ZC3HAV1: variants seen among roughly 807,000 people sequenced by gnomAD.
ZC3HAV1 encodes zinc finger CCCH-type containing, antiviral 1, also known as zinc finger CCCH-type antiviral protein 1.
Under a neutral mutation model 86.6 loss-of-function variants are expected in ZC3HAV1, and 41 were observed. That is an observed-to-expected ratio of 0.47 (90% CI 0.37 to 0.61). ZC3HAV1 has a LOEUF of 0.61. Among genes scored for constraint, ZC3HAV1 ranks in the 20% least tolerant of loss-of-function variants. ZC3HAV1 has a pLI of 0.00. For missense variants in ZC3HAV1, 964 were observed against 1,141.1 expected, an observed-to-expected ratio of 0.84 and a Z score of 2.24; for synonymous variants, 421 against 432.1, an observed-to-expected ratio of 0.97 and a Z score of 0.32.
chr7:139,058,451 C>G (rs866152932), intron 9 of ZC3HAV1, among the ~76,000 whole-genome samples: 43 of 141,568 alleles, frequency 3.0e-4, no homozygotes, highest in Non-Finnish European at 4.3e-4. Flanking sequence ...CCCCCCCCCC[C>G]CCCACAAAAA....
intron 1 of ZC3HAV1, among the ~76,000 whole-genome samples, chr7:139,098,572 C>A (rs7786250): frequency 0.25 from 38,110 of 151,990 alleles, 5,042 homozygotes; most frequent in East Asian, 0.42. Context: ...GAGGCTGGGG[C>A]AGGAGGGTGG....
intron 1 of ZC3HAV1, among the ~76,000 whole-genome samples, chr7:139,100,729 C>T (rs748077538): frequency 1.4e-4 from 21 of 152,042 alleles, no homozygotes; most frequent in Middle Eastern, 3.4e-3. Flanking sequence ...GGCATTATCA[C>T]ATAAAACTTT....
intron 1 of ZC3HAV1, among the ~76,000 whole-genome samples, chr7:139,101,534 G>C (rs1433495070): frequency 8.9e-6 from 1 of 112,380 alleles, no homozygotes; most frequent in Non-Finnish European, 1.8e-5. Context: ...CATTGAGAAC[G>C]GGCCATGATG....
chr7:139,076,784 C>T (rs1277420793), intron 5 of ZC3HAV1, among the ~76,000 whole-genome samples: 8 of 151,812 alleles, frequency 5.3e-5, no homozygotes, highest in Non-Finnish European at 8.8e-5. Flanking sequence ...CCCAGCTTCT[C>T]GGGAGACTGA....
chr7:139,083,252 G>C lies in ZC3HAV1; in HGVS notation c.697+528C>G, dbSNP rs555774346. 3.4e-5 allele frequency among the ~76,000 whole-genome samples: 5 copies of C among 145,754 alleles called. No individual in the cohort carries two copies. In the South Asian group the frequency reaches 9.1e-4, roughly 27 times the overall value. On this transcript the variant is annotated intron_variant, in intron 3 of 12. Coordinates refer to ENST00000242351, the MANE Select transcript of ZC3HAV1 (RefSeq NM_020119.4). ...TATACACTTTTTTAAACCTGGGGGG[G>C]GGGGCAATAGTGCTAAGCATAAAAA...
intron 6 of ZC3HAV1, 76 bp downstream of exon 6, chr7:139,076,210 T>G: frequency 6.4e-7 from 1 of 1,574,218 alleles, no homozygotes. Context: ...TTTTTCTTTT[T>G]CCCCTGAGCC....
chr7:139,087,145 C>A (rs1452179862), intron 2 of ZC3HAV1, among the ~76,000 whole-genome samples: 1 of 152,186 alleles, frequency 6.6e-6, no homozygotes, highest in Non-Finnish European at 1.5e-5. Context: ...CCACAAAACA[C>A]CTTCTCTCAA....
At chr7:139,065,835 C>T (rs769258632) in intron 7 of ZC3HAV1, among the ~76,000 whole-genome samples, 5 of 151,886 alleles carry the variant, frequency 3.3e-5, no homozygotes, top group Admixed American at 6.6e-5. Flanking sequence ...ACTCGGGGGG[C>T]GGAGGTTGCA....
rs189167788 is a variant in ZC3HAV1 at position 139,046,155 on chromosome 7, G to A, written c.*1439C>T. 24 of 152,202 alleles carry A rather than the reference G, an allele frequency of 1.6e-4. No homozygotes were observed. The highest frequency in any genetic ancestry group is 5.2e-4 in the Admixed American group (8 of 15,282). The allele number at this position is 152,202 out of a possible 1,614,324, so 9.4% of individuals were successfully genotyped here. On this transcript the variant is annotated 3_prime_UTR_variant, in exon 13 of 13. Transcript: ENST00000242351. ...AGGAAGGAAATATTGGTCCAAGCACGTCAAGGGCTCTAAGTAAAAACCGAT... is the reference window on the plus strand; with the variant it reads ...AGGAAGGAAATATTGGTCCAAGCACATCAAGGGCTCTAAGTAAAAACCGAT...
intron 1 of ZC3HAV1, among the ~76,000 whole-genome samples, chr7:139,096,430 A>G (rs542436468): frequency 6.6e-6 from 1 of 152,342 alleles, no homozygotes; most frequent in South Asian, 2.1e-4. Flanking sequence ...CTGAAAGTTA[A>G]CAAATATTAA....
At chr7:139,096,147 T>C (rs1817581691) in intron 1 of ZC3HAV1, among the ~76,000 whole-genome samples, 1 of 152,182 alleles carries the variant, frequency 6.6e-6, no homozygotes, top group African/African-American at 2.4e-5. Flanking sequence ...CCCGAGTAGC[T>C]GGAATTATAG....
rs139169313 is a variant in ZC3HAV1, at chr7:139,074,035, GA to G, written c.1698-6del. On this transcript the variant is annotated splice_region_variant and splice_polypyrimidine_tract_variant and intron_variant, in intron 6 of 12. Transcript: ENST00000242351. ...GTATAACTTCCTACAGAACAGCTGAGAGAGAAAAGTATTAAGTTAACATAAT... is the reference window on the plus strand; with the variant it reads ...GTATAACTTCCTACAGAACAGCTGAGGAGAAAAGTATTAAGTTAACATAAT... The G allele has an allele frequency of 3.2e-3, 5,077 of 1,609,746 alleles. 130 individuals carry two copies. The African/African-American group carries it at 0.06, about 19-fold the overall frequency.
chr7:139,093,270 C>A (rs2130724338), intron 1 of ZC3HAV1, among the ~76,000 whole-genome samples: 1 of 152,078 alleles, frequency 6.6e-6, no homozygotes, highest in East Asian at 1.9e-4. Context: ...CTTTTTCAAA[C>A]CAAAAAAATT....
At chr7:139,089,077 G>A (rs144088888) in intron 2 of ZC3HAV1, among the ~76,000 whole-genome samples, 7,928 of 128,018 alleles carry the variant, frequency 0.062, 237 homozygotes, top group Admixed American at 0.094. Context: ...ACTCCAGCCT[G>A]CGCAACACAG....
At chr7:139,063,814 C>A (rs1211900963) in intron 8 of ZC3HAV1, among the ~76,000 whole-genome samples, 1 of 150,394 alleles carries the variant, frequency 6.6e-6, no homozygotes, top group African/African-American at 2.4e-5. Context: ...TAATCAAAAT[C>A]TTTAACAAGT....
In ZC3HAV1 at chr7:139,057,694, A is replaced by G. The variant is rs538278541; in HGVS notation, c.2097-2399T>C. On this transcript the variant is annotated intron_variant, in intron 9 of 12. Transcript: ENST00000242351. The stretch of plus-strand genomic sequence containing the variant: ...GCTGGGACTACAGGCGCCCGCCACC[A>G]CGCCCGGCTAATTTTTTTGTTATTT... 1.4e-4 allele frequency among the ~76,000 whole-genome samples: 11 copies of G among 78,300 alleles called. 4 individuals carry two copies. Among genetic ancestry groups the G allele is most frequent in the Non-Finnish European group, 2.0e-4 (8 of 40,928 alleles). The allele number at this position is 78,300 out of a possible 152,430, so 51.4% of individuals were successfully genotyped here. A position where few individuals can be genotyped will look rare whatever the true frequency, so the allele number is the denominator to read the frequency against.
chr7:139,057,956 C>T (rs1047432669), intron 9 of ZC3HAV1, among the ~76,000 whole-genome samples: 4 of 152,064 alleles, frequency 2.6e-5, no homozygotes, highest in South Asian at 2.1e-4. Context: ...GTCAGGTTTC[C>T]ATTCTGGATT....
chr7:139,053,985 C>T lies in ZC3HAV1; in HGVS notation c.2298G>A (p.Glu766=). The T allele has an allele frequency of 1.9e-6, 3 of 1,604,506 alleles. No individual in the cohort carries two copies. Residue 766 remains glutamate (E), a synonymous_variant, in exon 11 of 13, where the codon GAG becomes GAA. Transcript: ENST00000242351. ...CCAACCATGTAAATTTATCCAGGAG[C>T]TCTGAGTTCTCGATCTTCTTTATCT... The part of the protein sequence containing the change: ...IEKIKKIENS[E]LLDKFTWKKS...
intron 4 of ZC3HAV1, among the ~76,000 whole-genome samples, chr7:139,078,904 G>A (rs897797957): frequency 1.3e-5 from 2 of 152,160 alleles, no homozygotes; most frequent in African/African-American, 4.8e-5. Flanking sequence ...AATAAATGTG[G>A]CAGTTTATTC....
Sources: gnomAD v4.1 joint callset for allele counts (sites outside exome capture counted in the v4.1 genomes callset) on GRCh38, gnomAD v4.1.1 for gene constraint, MANE v1.5 for transcripts, NCBI Gene and HGNC (gene_info 2026-07-23, HGNC 2026-07-21) for gene names.